Variants in ACAN observed in about 807,000 individuals in gnomAD.
The protein encoded by ACAN is aggrecan core protein.
A neutral mutation model predicts 169.1 loss-of-function variants in ACAN; 47 were observed. That is an observed-to-expected ratio of 0.28 (90% CI 0.22 to 0.35). The LOEUF (loss-of-function observed/expected upper bound fraction) is 0.35. Ranked by LOEUF, ACAN falls within the 10% of genes least tolerant of loss-of-function variation. The probability of loss-of-function intolerance (pLI) is 1.00; values close to 1 mark genes in which losing one functional copy is unlikely to be tolerated. For synonymous variants in ACAN, 1,115 were observed against 1,112.2 expected (o/e 1.00, Z -0.05); for missense variants, 2,716 against 2,759.9 (o/e 0.98, Z 0.36).
Position 88,849,318 on chromosome 15 carries a change from G to A in ACAN, c.1733-120G>A. 9.9e-7 allele frequency: 1 copy of A among 1,009,464 alleles called. No individual in the cohort carries two copies. The highest frequency in any genetic ancestry group is 1.4e-6 in the Non-Finnish European group (1 of 714,770). The allele number at this position is 1,009,464 out of a possible 1,614,324, so 62.5% of individuals were successfully genotyped here. A position where few individuals can be genotyped will look rare whatever the true frequency, so the allele number is the denominator to read the frequency against. ...GGGAGTGGTCAAAAAAGGGGTGATG[G>A]AGCTGGGCTGGGTCTTAGCCCTGGT... On this transcript the variant is annotated intron_variant, in intron 9 of 18. Coordinates refer to ENST00000560601, the MANE Select transcript of ACAN (RefSeq NM_001369268.1). The surrounding 1 kb of genome is among the most constrained non-coding windows in gnomAD (Gnocchi z 5.1).
rs768028338 is a variant in ACAN at position 88,843,307 on chromosome 15, G to C, written c.758-48G>C. 1.5e-6 allele frequency: 2 copies of C among 1,331,396 alleles called. No individual in the cohort carries two copies. The highest frequency in any genetic ancestry group is 3.1e-5 in the South Asian group (2 of 63,794). 82.5% of individuals were successfully genotyped at this position (1,331,396 alleles called of 1,614,324 possible). ...TGGATCTCTCTGGGGATGCAGAGCA[G>C]GGGGAGGGGGGAGAAGACCCTTACC... On this transcript the variant is annotated intron_variant, in intron 5 of 18. Transcript: ENST00000560601. This position sits in a 1 kb window ranked among gnomAD's most constrained non-coding sequence, Gnocchi z 4.0.
chr15:88,843,235 C>A lies in ACAN; in HGVS notation c.758-120C>A. ...GATCTGAGATGCAGACATATGGGAC[C>A]AGGACTTTGGGAAGTTAAAGGACTC... On this transcript the variant is annotated intron_variant, in intron 5 of 18. Transcript: ENST00000560601. This position sits in a 1 kb window ranked among gnomAD's most constrained non-coding sequence, Gnocchi z 4.0. The A allele has an allele frequency of 1.1e-6, 1 of 909,780 alleles. No homozygotes were observed. The highest frequency in any genetic ancestry group is 1.6e-6 in the Non-Finnish European group (1 of 621,572). The allele number at this position is 909,780 out of a possible 1,614,324, so 56.4% of individuals were successfully genotyped here.
At chr15:88,808,781 C>G (rs569745610) in intron 1 of ACAN, among the ~76,000 whole-genome samples, 23 of 152,298 alleles carry the variant, frequency 1.5e-4, no homozygotes, top group African/African-American at 5.5e-4. Flanking sequence ...TGCTGCAGAC[C>G]TTCATTTAGT....
chr15:88,816,157 C>G (rs1340947931), intron 1 of ACAN, among the ~76,000 whole-genome samples: 1 of 152,208 alleles, frequency 6.6e-6, no homozygotes, highest in African/African-American at 2.4e-5. Flanking sequence ...AAGGGGCCAT[C>G]CTAACAACCT....
At chr15:88,852,121 T>C (rs1320130144) in intron 11 of ACAN, 88 bp downstream of exon 11, 1 of 1,486,528 alleles carries the variant, frequency 6.7e-7, no homozygotes, top group Admixed American at 2.1e-5. Context: ...GGGGGTTCCC[T>C]CCCTGGGATT....
intron 13 of ACAN, among the ~76,000 whole-genome samples, chr15:88,867,121 T>C (rs1001922290): frequency 1.3e-5 from 2 of 152,102 alleles, no homozygotes; most frequent in African/African-American, 4.8e-5. Context: ...AGTACAAATA[T>C]GAAGAAAGCA....
Position 88,874,107 on chromosome 15 carries a change from C to A in ACAN, c.7630+83C>A. On this transcript the variant is annotated intron_variant, in intron 18 of 18. Coordinates refer to ENST00000560601, the MANE Select transcript of ACAN (RefSeq NM_001369268.1). The surrounding 1 kb of genome is among the most constrained non-coding windows in gnomAD (Gnocchi z 7.3). ...TTCCCCCCGTCCCCTCTCCTGGGGA[C>A]CCTACACCGTCCACAGGGTTGAGCA... 1.3e-6 allele frequency: 2 copies of A among 1,542,464 alleles called. No individual in the cohort carries two copies. Among genetic ancestry groups the A allele is most frequent in the Non-Finnish European group, 8.8e-7 (1 of 1,140,994 alleles).
At chr15:88,815,090 A>G (rs905403572) in intron 1 of ACAN, among the ~76,000 whole-genome samples, 1 of 151,524 alleles carries the variant, frequency 6.6e-6, no homozygotes, top group African/African-American at 2.4e-5. Context: ...AAAAACATTC[A>G]CTTCTTGTTT....
chr15:88,836,602 G>A (rs778467717), intron 2 of ACAN, among the ~76,000 whole-genome samples: 40 of 152,344 alleles, frequency 2.6e-4, no homozygotes, highest in Middle Eastern at 3.4e-3. Flanking sequence ...TGAGCTTGCC[G>A]GAGGGGCAGG....
chr15:88,854,305 T>C (rs1271031367), intron 11 of ACAN, among the ~76,000 whole-genome samples: 2 of 152,164 alleles, frequency 1.3e-5, no homozygotes, highest in Admixed American at 6.5e-5. Context: ...CCAGAGTTGC[T>C]GAATCAGTGG....
In ACAN at chr15:88,847,906, T is replaced by C. The variant is rs1453393433; in HGVS notation, c.1605-5T>C. 2 of 1,613,294 alleles carry C rather than the reference T, an allele frequency of 1.2e-6. No homozygotes were observed. The highest frequency in any genetic ancestry group is 3.3e-5 in the Admixed American group (2 of 59,974). On this transcript the variant is annotated splice_polypyrimidine_tract_variant and splice_region_variant and intron_variant, in intron 8 of 18. Coordinates refer to ENST00000560601, the MANE Select transcript of ACAN (RefSeq NM_001369268.1). ...TTCATCTTCTCCTCCCACTCTCCTT[T>C]GCAGATACCCCATTGTGAGCCCCCG...
At chr15:88,852,924 G>C (rs1896962804) in intron 11 of ACAN, among the ~76,000 whole-genome samples, 2 of 152,208 alleles carry the variant, frequency 1.3e-5, no homozygotes, top group African/African-American at 4.8e-5. Flanking sequence ...AACTCATCCA[G>C]CTATGCATCA....
Position 88,803,468 on chromosome 15 carries a change from G to C in ACAN, c.-349G>C, listed in dbSNP as rs1205890168. The C allele has an allele frequency of 1.5e-5, 2 of 137,660 alleles. No homozygotes were observed. The highest frequency in any genetic ancestry group is 3.1e-5 in the Non-Finnish European group (2 of 63,870). 8.5% of individuals were successfully genotyped at this position (137,660 alleles called of 1,614,324 possible). A position where few individuals can be genotyped will look rare whatever the true frequency, so the allele number is the denominator to read the frequency against. ...CACCTACCTCCCCGCCGCTCCAGAG[G>C]GGGCTCGCAGAGCTGAGGACGCGCG... is the stretch of plus-strand genomic sequence containing the variant. On this transcript the variant is annotated 5_prime_UTR_variant, in exon 1 of 19. Transcript: ENST00000560601.
At chr15:88,818,051 A>C (rs1335387840) in intron 1 of ACAN, among the ~76,000 whole-genome samples, 1 of 152,152 alleles carries the variant, frequency 6.6e-6, no homozygotes, top group Non-Finnish European at 1.5e-5. Flanking sequence ...TTTGTGCTTA[A>C]TGATATAGCA....
intron 1 of ACAN, among the ~76,000 whole-genome samples, chr15:88,833,145 C>T (rs931391863): frequency 6.6e-6 from 1 of 152,188 alleles, no homozygotes; most frequent in African/African-American, 2.4e-5. Flanking sequence ...AGGTAGACAA[C>T]CATGGGGTAG....
rs35600223 is a variant in ACAN at position 88,839,030 on chromosome 15, G to A, written c.438G>A (p.Leu146=). 8.5e-3 allele frequency: 13,651 copies of A among 1,603,810 alleles called. 86 individuals carry two copies. The highest frequency in any genetic ancestry group is 9.6e-3 in the Non-Finnish European group (11,287 of 1,179,722). The change falls in exon 3 of 19, where the codon CTG becomes CTA. Residue 146 remains leucine (L), a synonymous_variant. Coordinates refer to ENST00000560601, the MANE Select transcript of ACAN (RefSeq NM_001369268.1). The surrounding 1 kb of genome is among the most constrained non-coding windows in gnomAD (Gnocchi z 4.5). ...GCATCGAGGACAGCGAGGCCACCCT[G>A]GAAGTCGTGGTGAAAGGTGAGAGCC... The part of the protein sequence containing the change: ...MHGIEDSEAT[L]EVVVKGIVFH...
At position 88,869,089 on chromosome 15, in the gene ACAN, A is replaced by G. The variant is rs1375778062; in HGVS notation, c.7060+760A>G. Among the ~76,000 whole-genome samples, 2 of 151,720 alleles carry G rather than the reference A, an allele frequency of 1.3e-5. No homozygotes were observed. Among genetic ancestry groups the G allele is most frequent in the Non-Finnish European group, 2.9e-5 (2 of 67,904 alleles). ...TACCAAAAGGAGCTGTGCACCAGGA[A>G]CCCTCCCAGGGACAGACTGAACCCT... is the stretch of plus-strand genomic sequence containing the variant. On this transcript the variant is annotated intron_variant, in intron 14 of 18. Transcript: ENST00000560601. This position sits in a 1 kb window ranked among gnomAD's most constrained non-coding sequence, Gnocchi z 4.2.
At chr15:88,810,111 G>A (rs753458063) in intron 1 of ACAN, among the ~76,000 whole-genome samples, 1 of 152,126 alleles carries the variant, frequency 6.6e-6, no homozygotes, top group Non-Finnish European at 1.5e-5. Context: ...CCAGAGAGCG[G>A]AGGACACTTG....
At chr15:88,827,765 T>A (rs951539776) in intron 1 of ACAN, among the ~76,000 whole-genome samples, 10 of 152,238 alleles carry the variant, frequency 6.6e-5, no homozygotes, top group African/African-American at 2.4e-4. Flanking sequence ...GCATCTCTCA[T>A]TTAAGTCCTA....
Sources: allele counts gnomAD v4.1 joint callset (sites outside exome capture counted in the v4.1 genomes callset), GRCh38; gene constraint gnomAD v4.1.1; non-coding constraint Gnocchi (gnomAD v3.1); transcripts MANE v1.5; gene names NCBI Gene and HGNC (gene_info 2026-07-23, HGNC 2026-07-21).